The following DLGAP1 variants were observed in gnomAD, a reference collection of about 807,000 sequenced individuals.
DLGAP1 encodes the protein DLG associated protein 1, also known as disks large-associated protein 1.
In DLGAP1, 11 loss-of-function variants were observed where a neutral mutation model predicts 90.8. That is an observed-to-expected ratio of 0.12 (90% CI 0.08 to 0.20). The LOEUF (loss-of-function observed/expected upper bound fraction) is 0.20. Among genes scored for constraint, DLGAP1 ranks in the 10% least tolerant of loss-of-function variants. DLGAP1 has a pLI of 1.00. For synonymous variants in DLGAP1, 558 were observed against 540.7 expected (o/e 1.03, Z -0.44); for missense variants, 1,050 against 1,333.8 (o/e 0.79, Z 3.31).
chr18:3,761,710 G>C (rs1384603270), intron 5 of DLGAP1, among the ~76,000 whole-genome samples: 1 of 152,030 alleles, frequency 6.6e-6, no homozygotes, highest in Non-Finnish European at 1.5e-5. Flanking sequence ...TGAGTAGCTG[G>C]GAATATAGGC....
intron 3 of DLGAP1, chr18:3,984,337 A>G (rs962739435): frequency 6.6e-6 from 1 of 152,106 alleles, no homozygotes; most frequent in African/African-American, 2.4e-5. Context: ...CAGTCTCTAC[A>G]ATGTCTCAGA....
At chr18:4,361,056 T>C (rs955725054) in intron 1 of DLGAP1, among the ~76,000 whole-genome samples, 1 of 152,152 alleles carries the variant, frequency 6.6e-6, no homozygotes, top group African/African-American at 2.4e-5. Context: ...ACATTCTTTG[T>C]AGAAGAAATC....
At position 4,442,088 on chromosome 18, in the gene DLGAP1, T is replaced by A. The variant is rs889460546; in HGVS notation, c.-267+12918A>T. Among the ~76,000 whole-genome samples the A allele has an allele frequency of 8.5e-5, 13 of 152,280 alleles. 1 individual carries two copies. Among genetic ancestry groups the A allele is most frequent in the Middle Eastern group, 3.4e-3 (1 of 294 alleles). On this transcript the variant is annotated intron_variant, in intron 1 of 12. Transcript: ENST00000315677. ...CTCACTGAAACCTCCATCTCCTGGG[T>A]TCAAGCAATTCTTCTGCCTCAGTCT...
At position 4,116,629 on chromosome 18, in the gene DLGAP1, C is replaced by T. The variant is rs111325637; in HGVS notation, c.-159+34551G>A. 4.7e-3 allele frequency among the ~76,000 whole-genome samples: 722 copies of T among 152,162 alleles called. 4 individuals carry two copies. Among genetic ancestry groups the T allele is most frequent in the South Asian group, 0.025 (122 of 4,822 alleles). ...TCTTCTACCAGCTCAGACTGTCTCT[C>T]GAGACCCTTTAGTCATTGTTTTATT... On this transcript the variant is annotated intron_variant, in intron 2 of 12. Transcript: ENST00000315677.
intron 1 of DLGAP1, among the ~76,000 whole-genome samples, chr18:4,333,619 T>C (rs568179088): frequency 6.7e-6 from 1 of 148,350 alleles, no homozygotes; most frequent in African/African-American, 2.5e-5. Context: ...TATATATATA[T>C]ATAATTTTTT....
chr18:4,065,518 T>C (rs2075358503), intron 2 of DLGAP1, among the ~76,000 whole-genome samples: 1 of 152,076 alleles, frequency 6.6e-6, no homozygotes, highest in Non-Finnish European at 1.5e-5. Flanking sequence ...AGCATTTCTA[T>C]ACACCAACAA....
At chr18:4,133,897 G>T (rs1035499064) in intron 2 of DLGAP1, among the ~76,000 whole-genome samples, 1 of 151,766 alleles carries the variant, frequency 6.6e-6, no homozygotes, top group African/African-American at 2.4e-5. Flanking sequence ...AGGACTTGGG[G>T]AAAAACAACC....
At chr18:3,656,104 T>G (rs1227152165) in intron 7 of DLGAP1, 1 of 1,546,368 alleles carries the variant, frequency 6.5e-7, no homozygotes, top group Admixed American at 2.0e-5. Context: ...AGAACTCAGT[T>G]TTATGACACC....
At chr18:3,608,005 G>C (rs964213773) in intron 7 of DLGAP1, 1 of 152,262 alleles carries the variant, frequency 6.6e-6, no homozygotes, top group African/African-American at 2.4e-5. Flanking sequence ...AACTGTGGCT[G>C]CCATCGGGGG....
At chr18:3,884,202 A>G (rs1256308784) in intron 3 of DLGAP1, among the ~76,000 whole-genome samples, 1 of 152,178 alleles carries the variant, frequency 6.6e-6, no homozygotes, top group Non-Finnish European at 1.5e-5. Flanking sequence ...TGTGGCACAA[A>G]CTAACTTAGA....
chr18:4,064,716 A>G (rs1309397651), intron 2 of DLGAP1, among the ~76,000 whole-genome samples: 1 of 152,070 alleles, frequency 6.6e-6, no homozygotes, highest in African/African-American at 2.4e-5. Context: ...TACCAATAAA[A>G]AAAAGCCCAG....
At chr18:3,686,255 G>C (rs2060700208) in intron 7 of DLGAP1, among the ~76,000 whole-genome samples, 1 of 151,808 alleles carries the variant, frequency 6.6e-6, no homozygotes, top group Non-Finnish European at 1.5e-5. Context: ...GCTGTGTAAG[G>C]GTATTTCTTG....
chr18:4,078,066 T>C (rs2075550370), intron 2 of DLGAP1, among the ~76,000 whole-genome samples: 1 of 152,188 alleles, frequency 6.6e-6, no homozygotes, highest in Non-Finnish European at 1.5e-5. Context: ...AGTTTTTTTC[T>C]ATTCATTGTA....
chr18:3,681,249 G>A (rs918986462), intron 7 of DLGAP1, among the ~76,000 whole-genome samples: 1 of 152,116 alleles, frequency 6.6e-6, no homozygotes, highest in Non-Finnish European at 1.5e-5. Flanking sequence ...TAGAGTCAGA[G>A]ATAATGTCTA....
At chr18:3,883,729 G>A (rs1568278523) in intron 3 of DLGAP1, among the ~76,000 whole-genome samples, 1 of 152,112 alleles carries the variant, frequency 6.6e-6, no homozygotes, top group Non-Finnish European at 1.5e-5. Context: ...GCAAGGCCAA[G>A]GAAAGATGCC....
chr18:4,192,312 T>C (rs760576578), intron 1 of DLGAP1, among the ~76,000 whole-genome samples: 5 of 152,182 alleles, frequency 3.3e-5, no homozygotes, highest in Non-Finnish European at 7.4e-5. Context: ...TGGCTTATGA[T>C]AGAACAATGA....
Position 4,219,395 on chromosome 18 carries a change from T to C in DLGAP1, c.-266-68108A>G, listed in dbSNP as rs139964782. Among the ~76,000 whole-genome samples, 619 of 152,152 alleles carry C rather than the reference T, an allele frequency of 4.1e-3. 5 individuals are homozygous for C. The highest frequency in any genetic ancestry group is 4.4e-3 in the Non-Finnish European group (301 of 67,938). ...TTGAATATTAGCCCCTTATCAGATA[T>C]ATGGTTGGCACATATTTTCTCCCAG... On this transcript the variant is annotated intron_variant, in intron 1 of 12. Coordinates refer to ENST00000315677, the MANE Select transcript of DLGAP1 (RefSeq NM_004746.4).
intron 1 of DLGAP1, among the ~76,000 whole-genome samples, chr18:4,193,479 C>T (rs926523648): frequency 2.0e-5 from 3 of 152,098 alleles, no homozygotes; most frequent in African/African-American, 7.2e-5. Context: ...CCAAAAACAA[C>T]AGCTTTGGGG....
At chr18:3,998,433 C>G (rs2074112669) in intron 3 of DLGAP1, among the ~76,000 whole-genome samples, 1 of 152,018 alleles carries the variant, frequency 6.6e-6, no homozygotes, top group Admixed American at 6.5e-5. Flanking sequence ...CTGATATCAC[C>G]AAAGCCGTTT....
Sources: gnomAD v4.1 joint callset for allele counts (sites outside exome capture counted in the v4.1 genomes callset) on GRCh38, gnomAD v4.1.1 for gene constraint, MANE v1.5 for transcripts, NCBI Gene and HGNC (gene_info 2026-07-23, HGNC 2026-07-21) for gene names.